EAPP: variants seen among roughly 807,000 people sequenced by gnomAD.
The protein encoded by EAPP is E2F-associated phosphoprotein.
In EAPP, 38 loss-of-function variants were observed where a neutral mutation model predicts 34.3. The ratio of observed to expected loss-of-function variants is 1.11; its 90% CI spans 0.85 to 1.45. EAPP has a LOEUF of 1.45. Ranked by LOEUF, EAPP falls within the 40% of genes most tolerant of loss-of-function variation. The pLI is 0.00. For missense variants in EAPP, 338 were observed against 343.7 expected (o/e 0.98, Z 0.13); for synonymous variants, 113 against 117.6 (o/e 0.96, Z 0.25).
chr14:34,516,473 TG>T lies in EAPP; in HGVS notation c.694del (p.His232IlefsTer4). 1 of 1,614,220 alleles carries T rather than the reference TG, an allele frequency of 6.2e-7. No homozygotes were observed. The highest frequency in any genetic ancestry group is 8.5e-7 in the Non-Finnish European group (1 of 1,180,046). ...TTCCCGGTTAGACCTCATCTTCTTA[TG>T]GACCCGCCTTTTCTTCCTGTTCTCT... ...ASENRKKRRV[H>X]KKMRSNREDA... On this transcript the variant is annotated frameshift_variant, in exon 6 of 6. Transcript: ENST00000250454. LOFTEE classifies it high-confidence loss of function.
At chr14:34,518,006 C>T (rs2138881939) in intron 5 of EAPP, among the ~76,000 whole-genome samples, 1 of 152,020 alleles carries the variant, frequency 6.6e-6, no homozygotes, top group African/African-American at 2.4e-5. Flanking sequence ...AACTCCTGAC[C>T]TCGTGATCTG....
At chr14:34,527,085 G>C (rs1351626060) in intron 4 of EAPP, among the ~76,000 whole-genome samples, 1 of 148,480 alleles carries the variant, frequency 6.7e-6, no homozygotes, top group Non-Finnish European at 1.5e-5. Flanking sequence ...CAGAAGAATC[G>C]CTTGAACCTG....
At chr14:34,526,245 A>G (rs1880092152) in intron 4 of EAPP, among the ~76,000 whole-genome samples, 1 of 151,784 alleles carries the variant, frequency 6.6e-6, no homozygotes, top group Non-Finnish European at 1.5e-5. Context: ...CCTGGCTAAC[A>G]TGGTGAAACC....
intron 5 of EAPP, among the ~76,000 whole-genome samples, chr14:34,519,095 G>A (rs1042560692): frequency 5.3e-5 from 8 of 152,136 alleles, no homozygotes; most frequent in African/African-American, 1.7e-4. Flanking sequence ...GATCTTGGGG[G>A]CAGACTTCCC....
chr14:34,521,635 C>CT (rs34835280), intron 5 of EAPP, among the ~76,000 whole-genome samples: 51,761 of 129,702 alleles, frequency 0.4, 11,721 homozygotes, highest in East Asian at 0.67. Flanking sequence ...TCCCAGATTT[C>CT]TTTTTTTTTT....
chr14:34,525,748 G>A (rs1186315270), intron 4 of EAPP, among the ~76,000 whole-genome samples: 1 of 152,150 alleles, frequency 6.6e-6, no homozygotes, highest in East Asian at 1.9e-4. Flanking sequence ...GGCCGGGCTC[G>A]GTGGCTCACG....
chr14:34,536,406 TATA>T (rs534860351), intron 1 of EAPP, 131 bp from the exon 2 acceptor site: 1 of 578,710 alleles, frequency 1.7e-6, no homozygotes, highest in East Asian at 3.3e-5. Flanking sequence ...ATACATTACA[TATA>T]GCTATTCTCA....
chr14:34,523,543 GGAGA>G (rs1165430900), intron 5 of EAPP, among the ~76,000 whole-genome samples: 1 of 50,790 alleles, frequency 2.0e-5, no homozygotes, highest in Non-Finnish European at 4.3e-5. Context: ...TTTTTTTTTT[GGAGA>G]GAGAGATGGG....
intron 5 of EAPP, among the ~76,000 whole-genome samples, chr14:34,523,313 C>T (rs1441156529): frequency 1.3e-5 from 2 of 150,582 alleles, no homozygotes; most frequent in Admixed American, 1.3e-4. Flanking sequence ...CCTCGGCTCA[C>T]TGTAAGCTCC....
At chr14:34,519,638 C>T (rs1416315978) in intron 5 of EAPP, among the ~76,000 whole-genome samples, 2 of 152,000 alleles carry the variant, frequency 1.3e-5, no homozygotes, top group East Asian at 3.9e-4. Context: ...TATCCAGTCT[C>T]GGGTATTTCC....
chr14:34,523,526 G>GTTTTTT (rs10668919), intron 5 of EAPP, among the ~76,000 whole-genome samples: 3 of 119,534 alleles, frequency 2.5e-5, no homozygotes, highest in Admixed American at 8.9e-5. Context: ...CGCCCAGCCC[G>GTTTTTT]TTTTTTTTTT....
chr14:34,522,058 A>C (rs939695748), intron 5 of EAPP, among the ~76,000 whole-genome samples: 3 of 152,138 alleles, frequency 2.0e-5, no homozygotes, highest in African/African-American at 7.2e-5. Context: ...TCCAGGGCTC[A>C]AGTGATCTTC....
intron 4 of EAPP, among the ~76,000 whole-genome samples, chr14:34,526,521 T>G (rs1462893251): frequency 6.7e-6 from 1 of 150,350 alleles, no homozygotes; most frequent in Non-Finnish European, 1.5e-5. Context: ...CCTAGGAGTT[T>G]GAGACCAGCC....
chr14:34,534,687 C>T (rs779596679), intron 2 of EAPP, among the ~76,000 whole-genome samples: 3 of 151,788 alleles, frequency 2.0e-5, no homozygotes, highest in Non-Finnish European at 4.4e-5. Flanking sequence ...AATCTCTTTC[C>T]AAGAACACAA....
chr14:34,523,994 G>A (rs1286330383), intron 5 of EAPP, among the ~76,000 whole-genome samples: 1 of 152,082 alleles, frequency 6.6e-6, no homozygotes, highest in Admixed American at 6.6e-5. Context: ...AGTGGCTCAC[G>A]CATGTAATCC....
In EAPP at chr14:34,539,688, CA is replaced by C; in HGVS notation, c.-61del. ...ATTTGCAGCGTCTCTGTTTACACTG[CA>C]AGTCCAGTCCCTAAAGCGCCCCTGA... On this transcript the variant is annotated 5_prime_UTR_variant, in exon 1 of 6. Coordinates refer to ENST00000250454, the MANE Select transcript of EAPP (RefSeq NM_018453.4). 6.8e-7 allele frequency: 1 copy of C among 1,464,864 alleles called. No individual in the cohort carries two copies. The highest frequency in any genetic ancestry group is 2.3e-5 in the East Asian group (1 of 43,118). The allele number at this position is 1,464,864 out of a possible 1,614,324, so 90.7% of individuals were successfully genotyped here. A position where few individuals can be genotyped will look rare whatever the true frequency, so the allele number is the denominator to read the frequency against.
intron 2 of EAPP, among the ~76,000 whole-genome samples, chr14:34,534,842 T>A (rs1566451062): frequency 1.5e-4 from 1 of 6,788 alleles, no homozygotes; most frequent in Non-Finnish European, 5.9e-4. Context: ...CTCCACAAAT[T>A]TTTTTTTTTT....
Position 34,519,533 on chromosome 14 carries a change from CAA to C in EAPP, c.582-2949_582-2948del, listed in dbSNP as rs879761615. ...CTGGGTGACAAGCAAGACTCCCTCT[CAA>C]AAAAAAAAAAAAAGTTTCCTGAGAC... On this transcript the variant is annotated intron_variant, in intron 5 of 5. Coordinates refer to ENST00000250454, the MANE Select transcript of EAPP (RefSeq NM_018453.4). Among the ~76,000 whole-genome samples, 159 of 113,440 alleles carry C rather than the reference CAA, an allele frequency of 1.4e-3. 1 individual carries two copies. The highest frequency in any genetic ancestry group is 4.8e-3 in the African/African-American group (147 of 30,568). 74.4% of individuals were successfully genotyped at this position (113,440 alleles called of 152,430 possible). A position where few individuals can be genotyped will look rare whatever the true frequency, so the allele number is the denominator to read the frequency against.
chr14:34,533,376 T>C, intron 3 of EAPP, 68 bp downstream of exon 3: 1 of 1,282,942 alleles, frequency 7.8e-7, no homozygotes, highest in Non-Finnish European at 1.1e-6. Context: ...AATCCTAACA[T>C]CTAATAATTG....
Sources: gnomAD v4.1 joint callset for allele counts (sites outside exome capture counted in the v4.1 genomes callset) on GRCh38, gnomAD v4.1.1 for gene constraint, MANE v1.5 for transcripts, NCBI Gene and HGNC (gene_info 2026-07-23, HGNC 2026-07-21) for gene names.